Variants in SLC7A14 observed in about 807,000 individuals in gnomAD.
SLC7A14 encodes the protein solute carrier family 7 member 14, also known as gamma-aminobutyric acid transporter SLC7A14.
SLC7A14 carries 37 observed loss-of-function variants against 60.2 expected under a neutral mutation model. That is an observed-to-expected ratio of 0.61 (90% CI 0.47 to 0.81). SLC7A14 has a LOEUF of 0.81. Among genes scored for constraint, SLC7A14 ranks in the 30% least tolerant of loss-of-function variants. The pLI, the probability that SLC7A14 is intolerant of heterozygous loss-of-function variation, is 0.00. For synonymous variants in SLC7A14, 399 were observed against 395.8 expected, an observed-to-expected ratio of 1.01 and a Z score of -0.10; for missense variants, 886 against 982.7, an observed-to-expected ratio of 0.90 and a Z score of 1.32.
chr3:170,522,630 T>C (rs1713369327), intron 2 of SLC7A14, among the ~76,000 whole-genome samples: 1 of 152,156 alleles, frequency 6.6e-6, no homozygotes, highest in Admixed American at 6.5e-5. Context: ...TGCCAGGGGC[T>C]GGGAGTGGGA....
intron 1 of SLC7A14, among the ~76,000 whole-genome samples, chr3:170,575,174 G>T (rs747931071): frequency 4.9e-4 from 75 of 152,204 alleles, no homozygotes; most frequent in Non-Finnish European, 1.2e-4. Context: ...TGAAACTCTG[G>T]AGTCTGAAAT....
intron 1 of SLC7A14, among the ~76,000 whole-genome samples, chr3:170,533,076 A>G (rs999707327): frequency 1.4e-4 from 21 of 152,170 alleles, no homozygotes; most frequent in African/African-American, 4.6e-4. Flanking sequence ...CCCTGAAAAC[A>G]TGATCCCCTT....
intron 1 of SLC7A14, among the ~76,000 whole-genome samples, chr3:170,543,061 G>A (rs922867230): frequency 6.6e-6 from 1 of 152,106 alleles, no homozygotes; most frequent in Non-Finnish European, 1.5e-5. Context: ...TAAAGCAGAG[G>A]GCTAGATGGT....
chr3:170,506,006 T>G (rs892674402), intron 2 of SLC7A14, among the ~76,000 whole-genome samples: 1 of 152,236 alleles, frequency 6.6e-6, no homozygotes, highest in African/African-American at 2.4e-5. Flanking sequence ...ATTATCGAAG[T>G]GATTTTACAT....
chr3:170,487,946 C>A (rs1712087236), intron 4 of SLC7A14, among the ~76,000 whole-genome samples: 1 of 152,162 alleles, frequency 6.6e-6, no homozygotes, highest in Non-Finnish European at 1.5e-5. Context: ...AGAGTTGTTG[C>A]AGAGATCTTG....
At chr3:170,571,722 T>C (rs1226830391) in intron 1 of SLC7A14, among the ~76,000 whole-genome samples, 1 of 152,108 alleles carries the variant, frequency 6.6e-6, no homozygotes, top group Non-Finnish European at 1.5e-5. Flanking sequence ...ACTAAATGAA[T>C]AAAAAGCTAT....
At chr3:170,540,334 C>T (rs973535962) in intron 1 of SLC7A14, among the ~76,000 whole-genome samples, 2 of 152,130 alleles carry the variant, frequency 1.3e-5, no homozygotes, top group African/African-American at 4.8e-5. Flanking sequence ...CTATACTTAT[C>T]AATGTAGAAG....
intron 1 of SLC7A14, among the ~76,000 whole-genome samples, chr3:170,574,974 G>T (rs987813276): frequency 9.9e-5 from 15 of 151,146 alleles, no homozygotes; most frequent in African/African-American, 3.6e-4. Flanking sequence ...TCTATTAAAT[G>T]CTTATTGAAT....
At chr3:170,528,848 G>A (rs1047730684) in intron 1 of SLC7A14, among the ~76,000 whole-genome samples, 7 of 152,084 alleles carry the variant, frequency 4.6e-5, no homozygotes, top group East Asian at 1.9e-4. Flanking sequence ...CGAGAAGGCC[G>A]CTAGAACAAC....
chr3:170,521,007 A>T (rs1247926900), intron 2 of SLC7A14, among the ~76,000 whole-genome samples: 1 of 152,200 alleles, frequency 6.6e-6, no homozygotes, highest in Admixed American at 6.5e-5. Flanking sequence ...TATTTCCTCT[A>T]TCTAGTTTAT....
rs1442608820 is a variant in SLC7A14 at position 170,472,144 on chromosome 3, G to A, written c.1994-4767C>T. 4.0e-5 allele frequency among the ~76,000 whole-genome samples: 6 copies of A among 151,428 alleles called. No homozygotes were observed. The South Asian group carries it at 6.3e-4, about 16-fold the overall frequency. ...AGCACTTTGGGAGGCCGAGACAGGT[G>A]GATCACCTGAGGTCAGGAGTTCGAG... On this transcript the variant is annotated intron_variant, in intron 7 of 7. Transcript: ENST00000231706.
At chr3:170,542,514 G>A (rs11918704) in intron 1 of SLC7A14, among the ~76,000 whole-genome samples, 7,199 of 152,224 alleles carry the variant, frequency 0.047, 545 homozygotes, top group African/African-American at 0.16. Flanking sequence ...TGCCACTACA[G>A]CTCCTTTTGC....
chr3:170,530,697 A>T (rs946007482), intron 1 of SLC7A14, among the ~76,000 whole-genome samples: 26 of 152,306 alleles, frequency 1.7e-4, no homozygotes, highest in African/African-American at 5.3e-4. Flanking sequence ...CCCGGGATGG[A>T]TGTAAAAAGG....
At chr3:170,515,629 T>G (rs1199978149) in intron 2 of SLC7A14, among the ~76,000 whole-genome samples, 2 of 149,976 alleles carry the variant, frequency 1.3e-5, no homozygotes, top group East Asian at 2.0e-4. Context: ...TGTGTTGGGG[T>G]GGGGGGGGAG....
rs932959679 is a variant in SLC7A14, at chr3:170,549,266, G to A, written c.-152-22178C>T. Among the ~76,000 whole-genome samples the A allele has an allele frequency of 3.1e-4, 45 of 144,890 alleles. 1 individual carries two copies. The Admixed American group carries it at 3.2e-3, about 10-fold the overall frequency. On this transcript the variant is annotated intron_variant, in intron 1 of 7. Transcript: ENST00000231706. ...AGTCTTGCTCTGTTGCCAGACTAGAGTGCAGTGGCACGATCTTGGCTCACT... is the reference window on the plus strand; with the variant it reads ...AGTCTTGCTCTGTTGCCAGACTAGAATGCAGTGGCACGATCTTGGCTCACT...
intron 1 of SLC7A14, among the ~76,000 whole-genome samples, chr3:170,566,260 T>G (rs898677805): frequency 1.3e-5 from 2 of 152,150 alleles, no homozygotes; most frequent in African/African-American, 4.8e-5. Flanking sequence ...CCTCTGCTCA[T>G]TTCTGCTAAC....
chr3:170,552,264 C>T (rs904366082), intron 1 of SLC7A14, among the ~76,000 whole-genome samples: 2 of 152,048 alleles, frequency 1.3e-5, no homozygotes, highest in South Asian at 2.1e-4. Flanking sequence ...GAGATACACT[C>T]TTACATTAAT....
At chr3:170,521,731 G>A (rs569095804) in intron 2 of SLC7A14, among the ~76,000 whole-genome samples, 57 of 152,276 alleles carry the variant, frequency 3.7e-4, no homozygotes, top group African/African-American at 1.4e-3. Flanking sequence ...GACCAGCCTG[G>A]CCAATGTGGT....
At chr3:170,517,076 G>A (rs186430013) in intron 2 of SLC7A14, among the ~76,000 whole-genome samples, 17 of 152,242 alleles carry the variant, frequency 1.1e-4, no homozygotes, top group Non-Finnish European at 2.1e-4. Context: ...TAATATCCAC[G>A]TGATAGGAAG....
Sources: gnomAD v4.1 joint callset for allele counts (sites outside exome capture counted in the v4.1 genomes callset) on GRCh38, gnomAD v4.1.1 for gene constraint, MANE v1.5 for transcripts, NCBI Gene and HGNC (gene_info 2026-07-23, HGNC 2026-07-21) for gene names.